Variants in ZNF536 observed in about 807,000 individuals in gnomAD.
The protein encoded by ZNF536 is zinc finger protein 536.
A neutral mutation model predicts 84.5 loss-of-function variants in ZNF536; 13 were observed. The observed-to-expected ratio is 0.15, with a 90% confidence interval of 0.10 to 0.24. ZNF536 has a LOEUF of 0.24. Among genes scored for constraint, ZNF536 ranks in the 10% least tolerant of loss-of-function variants. ZNF536 has a pLI of 1.00. For synonymous variants in ZNF536, 811 were observed against 742.5 expected (o/e 1.09, Z -1.50); for missense variants, 1,536 against 1,747.5 (o/e 0.88, Z 2.16).
intron 1 of ZNF536, among the ~76,000 whole-genome samples, chr19:30,693,555 A>G (rs1030687338): frequency 6.6e-6 from 1 of 151,776 alleles, no homozygotes; most frequent in Non-Finnish European, 1.5e-5. Context: ...AGAGAAGAGA[A>G]GAAAGGAGGC....
At position 30,618,941 on chromosome 19, in the gene ZNF536, T is replaced by C. The variant is rs149023478; in HGVS notation, c.169+69427T>C. On this transcript the variant is annotated intron_variant, in intron 1 of 1. Transcript: ENST00000592773. ...TACTTTTTTGGTACAAGTTTAAAAG[T>C]GCAGTTTTGTATAAATTCTTTTTGT... Among the ~76,000 whole-genome samples, 176 of 152,268 alleles carry C rather than the reference T, an allele frequency of 1.2e-3. 1 individual carries two copies. In the East Asian group the frequency reaches 0.012, roughly 11 times the overall value.
chr19:30,450,152 G>A (rs2052535094), intron 2 of ZNF536, among the ~76,000 whole-genome samples: 1 of 150,162 alleles, frequency 6.7e-6, no homozygotes. Flanking sequence ...ACTGAGCAGA[G>A]TTAGCTGATG....
chr19:30,638,599 TC>T (rs1423415991), intron 1 of ZNF536, among the ~76,000 whole-genome samples: 3 of 152,096 alleles, frequency 2.0e-5, no homozygotes, highest in African/African-American at 7.2e-5. Flanking sequence ...AGAGAAATCT[TC>T]CCCCATGATC....
At chr19:30,441,107 T>C (rs900258726) in intron 1 of ZNF536, among the ~76,000 whole-genome samples, 1 of 152,214 alleles carries the variant, frequency 6.6e-6, no homozygotes, top group Non-Finnish European at 1.5e-5. Flanking sequence ...TCTCGCCGCA[T>C]TGCACATTCA....
intron 2 of ZNF536, among the ~76,000 whole-genome samples, chr19:30,305,697 G>A (rs1481179413): frequency 3.3e-5 from 5 of 152,188 alleles, no homozygotes; most frequent in Non-Finnish European, 7.3e-5. Context: ...TGGGTTTGGG[G>A]TTTGGGGTTT....
rs570986677 is a variant in ZNF536 at position 30,544,334 on chromosome 19, GA to G, written c.2324-3605del. 1.9e-4 allele frequency among the ~76,000 whole-genome samples: 29 copies of G among 152,320 alleles called. 2 individuals are homozygous for G. In the East Asian group the frequency reaches 5.4e-3, roughly 28 times the overall value. ...GAACCTTGCATAGCACGTGCATTCAGAAAACCCTTGAAAGCTCATGAAGCAG... is the reference window on the plus strand; with the variant it reads ...GAACCTTGCATAGCACGTGCATTCAGAAACCCTTGAAAGCTCATGAAGCAG... On this transcript the variant is annotated intron_variant, in intron 3 of 4. Coordinates refer to ENST00000355537, the MANE Select transcript of ZNF536 (RefSeq NM_014717.3).
At chr19:30,336,464 C>A (rs1433065) in intron 2 of ZNF536, among the ~76,000 whole-genome samples, 1 of 152,052 alleles carries the variant, frequency 6.6e-6, no homozygotes, top group African/African-American at 2.4e-5. Flanking sequence ...AGAGGGATTG[C>A]ATAAACAATT....
chr19:30,705,309 A>ATGTGTGTGTGTGTG (rs56199909), intron 1 of ZNF536, among the ~76,000 whole-genome samples: 10 of 149,222 alleles, frequency 6.7e-5, no homozygotes, highest in African/African-American at 2.5e-4. Context: ...ACTCAGAAAG[A>ATGTGTGTGTGTGTG]TGTGTGTGTG....
At chr19:30,466,864 G>A (rs2053437051) in intron 2 of ZNF536, among the ~76,000 whole-genome samples, 1 of 152,070 alleles carries the variant, frequency 6.6e-6, no homozygotes, top group African/African-American at 2.4e-5. Flanking sequence ...TTTTGAGGTG[G>A]AGTTTTGCTC....
chr19:30,713,019 T>C (rs2052500007), exon 2 of ZNF536: 1 of 152,144 alleles, frequency 6.6e-6, no homozygotes, highest in Non-Finnish European at 1.5e-5. Context: ...ATTCCATTTC[T>C]AGCACTTTGG....
chr19:30,510,373 G>A (rs901508796), intron 2 of ZNF536, among the ~76,000 whole-genome samples: 1 of 152,176 alleles, frequency 6.6e-6, no homozygotes, highest in East Asian at 1.9e-4. Context: ...CAGGTGATGG[G>A]GCTGGCACTT....
At chr19:30,561,612 G>A (rs774232342), downstream of ZNF536, among the ~76,000 whole-genome samples, 1 of 152,176 alleles carries the variant, frequency 6.6e-6, no homozygotes, top group African/African-American at 2.4e-5. Context: ...TCATGAGAGG[G>A]TCAGTACTGC....
intron 1 of ZNF536, among the ~76,000 whole-genome samples, chr19:30,582,564 T>A (rs973295374): frequency 6.6e-6 from 1 of 151,986 alleles, no homozygotes; most frequent in Non-Finnish European, 1.5e-5. Flanking sequence ...CTAATTTTTT[T>A]ATTTTTTATA....
At chr19:30,665,577 A>G (rs968678966) in intron 1 of ZNF536, 3 of 152,192 alleles carry the variant, frequency 2.0e-5, no homozygotes, top group Non-Finnish European at 2.9e-5. Context: ...ATTTCCTGAA[A>G]GTGGCTCCTG....
chr19:30,533,942 G>A (rs2044964721), intron 2 of ZNF536, among the ~76,000 whole-genome samples: 1 of 152,244 alleles, frequency 6.6e-6, no homozygotes, highest in Admixed American at 6.5e-5. Flanking sequence ...GCAGTGTGAT[G>A]TCAGGCCTCG....
chr19:30,595,651 A>G (rs1177549228), intron 1 of ZNF536, among the ~76,000 whole-genome samples: 4 of 152,064 alleles, frequency 2.6e-5, no homozygotes, highest in African/African-American at 9.7e-5. Context: ...CCAAACCACC[A>G]CCTGCTTTCT....
intron 3 of ZNF536, among the ~76,000 whole-genome samples, chr19:30,357,229 T>C (rs893560356): frequency 6.6e-6 from 1 of 152,168 alleles, no homozygotes; most frequent in Admixed American, 6.5e-5. Context: ...GAAGGGACGC[T>C]GGTAGCTAGA....
intron 1 of ZNF536, among the ~76,000 whole-genome samples, chr19:30,653,774 G>T (rs905796924): frequency 6.6e-6 from 1 of 152,056 alleles, no homozygotes; most frequent in Non-Finnish European, 1.5e-5. Context: ...AAGGGGTCCC[G>T]CCCAGCCTGC....
chr19:30,244,751 G>A (rs957353969), intron 1 of ZNF536, among the ~76,000 whole-genome samples: 1 of 152,174 alleles, frequency 6.6e-6, no homozygotes, highest in Non-Finnish European at 1.5e-5. Flanking sequence ...ACTTTGACCA[G>A]CGTCTGGCCA....
Sources: gnomAD v4.1 joint callset for allele counts (sites outside exome capture counted in the v4.1 genomes callset) on GRCh38, gnomAD v4.1.1 for gene constraint, MANE v1.5 for transcripts, NCBI Gene and HGNC (gene_info 2026-07-23, HGNC 2026-07-21) for gene names.